Variants in ZNF732 observed in about 807,000 individuals in gnomAD.
The protein encoded by ZNF732 is zinc finger protein 732.
In ZNF732, 12 loss-of-function variants were observed where a neutral mutation model predicts 11.5. The observed-to-expected ratio is 1.05, with a 90% confidence interval of 0.67 to 1.70. ZNF732 has a LOEUF of 1.70. ZNF732 is among the 40% of genes most tolerant of loss of function. ZNF732 has a pLI of 0.00. For synonymous variants in ZNF732, 231 were observed against 236.5 expected, an observed-to-expected ratio of 0.98 and a Z score of 0.21; for missense variants, 702 against 676.9, an observed-to-expected ratio of 1.04 and a Z score of -0.41.
chr4:301,275 G>A (rs2108662501), intron 1 of ZNF732, among the ~76,000 whole-genome samples: 1 of 152,318 alleles, frequency 6.6e-6, no homozygotes, highest in Non-Finnish European at 1.5e-5. Flanking sequence ...TGGTGGGACT[G>A]TAAACTAGTT....
rs1553837859 is a variant in ZNF732 at position 272,259 on chromosome 4, A to G, written c.598T>C (p.Cys200Arg). 2 of 1,613,232 alleles carry G rather than the reference A, an allele frequency of 1.2e-6. No individual in the cohort carries two copies. Among genetic ancestry groups the G allele is most frequent in the Non-Finnish European group, 1.7e-6 (2 of 1,179,584 alleles). The change falls in exon 4 of 4, where the codon TGT becomes CGT. Residue 200 changes from cysteine to arginine, a missense_variant. Around this residue, in one of 3 missense-constraint regions of ZNF732, gnomAD observed 596 missense variants for 557.9 expected, o/e 1.07. Coordinates refer to ENST00000419098, the MANE Select transcript of ZNF732 (RefSeq NM_001137608.3). ...AAATACCATTTAAAGTCTTTGCCAC[A>G]TTCTTCACATGTGTAGGGTTTCTCT... ...AGEKPYTCEE[C>R]GKDFKWYLIF...
At chr4:297,635 G>A (rs1447080265) in intron 1 of ZNF732, among the ~76,000 whole-genome samples, 3 of 136,168 alleles carry the variant, frequency 2.2e-5, no homozygotes, top group East Asian at 2.2e-4. Context: ...AAAAAAAACT[G>A]CAGGGATGGA....
chr4:275,751 A>G (rs1297861659), intron 3 of ZNF732, among the ~76,000 whole-genome samples: 1 of 151,762 alleles, frequency 6.6e-6, no homozygotes, highest in African/African-American at 2.4e-5. Flanking sequence ...GTAAAAAGCA[A>G]AAAATAAACA....
chr4:296,271 A>C (rs1334061104), intron 1 of ZNF732, 116 bp from the exon 2 acceptor site: 1 of 1,377,044 alleles, frequency 7.3e-7, no homozygotes, highest in Non-Finnish European at 9.8e-7. Flanking sequence ...AATAACTTTC[A>C]ACACAGTAAT....
chr4:297,879 G>A (rs1581547176), intron 1 of ZNF732, among the ~76,000 whole-genome samples: 1 of 152,148 alleles, frequency 6.6e-6, no homozygotes, highest in Admixed American at 6.5e-5. Context: ...TCAGTAGAGG[G>A]TGGATCTGGG....
intron 3 of ZNF732, among the ~76,000 whole-genome samples, chr4:276,504 C>A (rs1164244801): frequency 6.6e-6 from 1 of 151,836 alleles, no homozygotes; most frequent in African/African-American, 2.4e-5. Context: ...AATATCTATA[C>A]CTAATTTGTT....
At chr4:282,059 T>C (rs1560159304) in intron 3 of ZNF732, among the ~76,000 whole-genome samples, 1 of 152,126 alleles carries the variant, frequency 6.6e-6, no homozygotes, top group Non-Finnish European at 1.5e-5. Context: ...AGAACTAAAA[T>C]ATTTAACAGA....
intron 3 of ZNF732, among the ~76,000 whole-genome samples, chr4:273,623 T>C (rs1719434875): frequency 6.6e-6 from 1 of 151,714 alleles, no homozygotes; most frequent in Non-Finnish European, 1.5e-5. Context: ...ACAGAAATTT[T>C]CAAGTTAAAA....
At chr4:300,286 C>A (rs1480250580) in intron 1 of ZNF732, among the ~76,000 whole-genome samples, 1 of 150,318 alleles carries the variant, frequency 6.7e-6, no homozygotes, top group Non-Finnish European at 1.5e-5. Context: ...CACGGTGAAA[C>A]CCCGTCTCAG....
intron 3 of ZNF732, among the ~76,000 whole-genome samples, chr4:287,912 C>T (rs1553840822): frequency 1.3e-5 from 2 of 152,030 alleles, no homozygotes; most frequent in Non-Finnish European, 2.9e-5. Flanking sequence ...ACCAACAGTG[C>T]ACAAGAGTTT....
intron 3 of ZNF732, among the ~76,000 whole-genome samples, chr4:288,327 C>T (rs1194827745): frequency 2.6e-5 from 4 of 152,178 alleles, no homozygotes; most frequent in East Asian, 3.8e-4. Context: ...CTGAGACCAA[C>T]GTCATAGTCT....
chr4:305,406 C>T lies in ZNF732; in HGVS notation c.-96G>A. The T allele has an allele frequency of 1.3e-6, 2 of 1,561,026 alleles. No homozygotes were observed. The highest frequency in any genetic ancestry group is 1.7e-5 in the Admixed American group (1 of 58,218). ...GAGGCTGAGGCTGTGACCGAATCAC[C>T]GACGCCTCCCTGAGGGGTGAAAGCA... On this transcript the variant is annotated 5_prime_UTR_variant, in exon 1 of 4. Transcript: ENST00000419098.
chr4:292,045 A>T (rs1427338781), intron 3 of ZNF732, among the ~76,000 whole-genome samples: 1 of 152,202 alleles, frequency 6.6e-6, no homozygotes, highest in African/African-American at 2.4e-5. Flanking sequence ...ATTTTCTTAC[A>T]CCATACCCCA....
Position 277,410 on chromosome 4 carries a change from T to C in ZNF732, c.227-4780A>G, listed in dbSNP as rs555670943. On this transcript the variant is annotated intron_variant, in intron 3 of 3. Transcript: ENST00000419098. ...TACATGACAAAAGATAAATTTACAGTATAACAAACTTAACAAAAATAACAC... is the reference window on the plus strand; with the variant it reads ...TACATGACAAAAGATAAATTTACAGCATAACAAACTTAACAAAAATAACAC... Among the ~76,000 whole-genome samples the C allele has an allele frequency of 2.6e-5, 4 of 152,056 alleles. No individual in the cohort carries two copies. The East Asian group carries it at 7.7e-4, about 29-fold the overall frequency.
In ZNF732 at chr4:304,354, C is replaced by T. The variant is rs554570614; in HGVS notation, c.3+954G>A. On this transcript the variant is annotated intron_variant, in intron 1 of 3. Coordinates refer to ENST00000419098, the MANE Select transcript of ZNF732 (RefSeq NM_001137608.3). The stretch of plus-strand genomic sequence containing the variant: ...AGGAAAAGGACAGTGCCCAGCGGGA[C>T]AGCACATGTGCAGAACCCGGCCGCG... 5.5e-4 allele frequency among the ~76,000 whole-genome samples: 83 copies of T among 152,106 alleles called. 1 individual carries two copies. The highest frequency in any genetic ancestry group is 1.8e-3 in the African/African-American group (76 of 41,492).
At chr4:293,713 A>T (rs1719891311) in intron 3 of ZNF732, among the ~76,000 whole-genome samples, 1 of 152,214 alleles carries the variant, frequency 6.6e-6, no homozygotes, top group Non-Finnish European at 1.5e-5. Flanking sequence ...TACCAAAAAA[A>T]ATGGTTAGCT....
In ZNF732 at chr4:271,448, C is replaced by T. The variant is rs1161990303; in HGVS notation, c.1409G>A (p.Gly470Glu). The T allele has an allele frequency of 1.9e-6, 3 of 1,605,780 alleles. No homozygotes were observed. Among genetic ancestry groups the T allele is most frequent in the African/African-American group, 2.7e-5 (2 of 74,756 alleles). ...YLSKHKKIHTGEKPYRCEECG... is the reference protein window; with the variant it reads ...YLSKHKKIHTEEKPYRCEECG... ...CTCTTCACATCTATAAGGTTTCTCT[C>T]CAGTATGAATTTTCTTATGTTTACT... The change falls in exon 4 of 4, where the codon GGA becomes GAA. Residue 470 changes from glycine (G) to glutamate (E), a missense_variant. Gly to Glu is a moderately conservative substitution (Grantham distance 98). Transcript: ENST00000419098.
chr4:302,537 T>C (rs1553843762), intron 1 of ZNF732, among the ~76,000 whole-genome samples: 1 of 152,190 alleles, frequency 6.6e-6, no homozygotes, highest in East Asian at 1.9e-4. Flanking sequence ...AACATCTTCA[T>C]GACAGGAGGC....
In ZNF732 at chr4:305,423, G is replaced by T. The variant is rs561648372; in HGVS notation, c.-113C>A. On this transcript the variant is annotated 5_prime_UTR_variant, in exon 1 of 4. Coordinates refer to ENST00000419098, the MANE Select transcript of ZNF732 (RefSeq NM_001137608.3). ...CGAATCACCGACGCCTCCCTGAGGG[G>T]TGAAAGCACGGCCGTGGAGACCCTA... 236 of 1,482,514 alleles carry T rather than the reference G, an allele frequency of 1.6e-4. 2 individuals carry two copies. In the South Asian group the frequency reaches 2.1e-3, roughly 13 times the overall value. The allele number at this position is 1,482,514 out of a possible 1,614,324, so 91.8% of individuals were successfully genotyped here.
Sources: allele counts gnomAD v4.1 joint callset (sites outside exome capture counted in the v4.1 genomes callset), GRCh38; gene constraint gnomAD v4.1.1; regional missense constraint gnomAD v4.1.1; transcripts MANE v1.5; gene names NCBI Gene and HGNC (gene_info 2026-07-23, HGNC 2026-07-21).